The following SUSD3 variants were observed in gnomAD, a reference collection of about 807,000 sequenced individuals.
SUSD3 encodes sushi domain-containing protein 3.
SUSD3 carries 18 observed loss-of-function variants against 20.6 expected under a neutral mutation model. The ratio of observed to expected loss-of-function variants is 0.87; its 90% CI spans 0.60 to 1.30. The LOEUF (loss-of-function observed/expected upper bound fraction) is 1.30, where lower values mean the gene tolerates loss of function less well. Ranked by LOEUF, SUSD3 falls within the 50% of genes most tolerant of loss-of-function variation. The pLI is 0.00. For synonymous variants in SUSD3, 137 were observed against 141.5 expected (o/e 0.97, Z 0.23); for missense variants, 306 against 346.9 (o/e 0.88, Z 0.94).
chr9:93,075,736 G>GCAC, intron 1 of SUSD3, 48 bp from the exon 2 acceptor site: 1 of 272,214 alleles, frequency 3.7e-6, no homozygotes. Flanking sequence ...TGCCCTGCGT[G>GCAC]CCCACCCCCC....
intron 3 of SUSD3, 25 bp downstream of exon 3, chr9:93,078,018 G>A: frequency 6.2e-7 from 1 of 1,613,952 alleles, no homozygotes; most frequent in South Asian, 1.1e-5. Flanking sequence ...TGATCTCAGG[G>A]TCCTCCCGGG....
In SUSD3 at chr9:93,077,890, G is replaced by A. The variant is rs143607180; in HGVS notation, c.322G>A (p.Ala108Thr). The change falls in exon 3 of 5, where the codon GCC (alanine) becomes ACC (threonine). Residue 108 changes from alanine to threonine, a missense_variant. Physicochemically the swap from Ala to Thr is moderately conservative, Grantham distance 58 (BLOSUM62 0). Coordinates refer to ENST00000375472, the MANE Select transcript of SUSD3 (RefSeq NM_145006.4). ...CTTTGGCTTCAAGGTGGCCGTGATC[G>A]CCTCCATTGTGAGCTGTGCCATCAT... ...ETFGFKVAVI[A>T]SIVSCAIILL... 4.6e-4 allele frequency: 746 copies of A among 1,614,104 alleles called. 1 individual carries two copies. Among genetic ancestry groups the A allele is most frequent in the South Asian group, 9.4e-4 (86 of 91,072 alleles).
At chr9:93,066,885 C>T (rs12555029) in intron 1 of SUSD3, among the ~76,000 whole-genome samples, 36,538 of 151,786 alleles carry the variant, frequency 0.24, 5,524 homozygotes, top group African/African-American at 0.43. Context: ...TTTTTGTATT[C>T]TTAGTAGAGA....
At chr9:93,059,696 G>A (rs1825434498) in intron 1 of SUSD3, among the ~76,000 whole-genome samples, 1 of 152,152 alleles carries the variant, frequency 6.6e-6, no homozygotes, top group Admixed American at 6.5e-5. Context: ...GCTGAGGCCC[G>A]GAGTGGGGTG....
chr9:93,073,076 A>T (rs1587909043), intron 1 of SUSD3, among the ~76,000 whole-genome samples: 1 of 151,968 alleles, frequency 6.6e-6, no homozygotes, highest in East Asian at 1.9e-4. Flanking sequence ...CAGACTCTGC[A>T]TGCCCCAGTT....
At chr9:93,065,123 A>C (rs1418116106) in intron 1 of SUSD3, among the ~76,000 whole-genome samples, 2 of 152,152 alleles carry the variant, frequency 1.3e-5, no homozygotes, top group African/African-American at 4.8e-5. Context: ...GGATGTGCCC[A>C]GGGGATCAGT....
At chr9:93,059,709 C>T (rs1238096629) in intron 1 of SUSD3, among the ~76,000 whole-genome samples, 5 of 152,120 alleles carry the variant, frequency 3.3e-5, no homozygotes, top group Non-Finnish European at 7.4e-5. Context: ...GTGGGGTGGG[C>T]TGGACCAGGT....
chr9:93,062,952 G>T (rs1008297912), intron 1 of SUSD3, among the ~76,000 whole-genome samples: 2 of 152,190 alleles, frequency 1.3e-5, no homozygotes, highest in African/African-American at 4.8e-5. Context: ...CTGTGAGTTC[G>T]CTGTGAATCC....
intron 4 of SUSD3, among the ~76,000 whole-genome samples, chr9:93,081,717 C>T (rs572013316): frequency 3.3e-5 from 5 of 152,318 alleles, no homozygotes; most frequent in East Asian, 3.9e-4. Context: ...GTGTGTATTA[C>T]ATCAACAAGG....
At position 93,075,766 on chromosome 9, in the gene SUSD3, A is replaced by G; in HGVS notation, c.89-18A>G. On this transcript the variant is annotated intron_variant, in intron 1 of 4. Transcript: ENST00000375472. ...CCCCCCCCCCCCCGCCATGCCTCAT[A>G]CCTGCCTGTCTCCCCAGGCACGTGC... The G allele has an allele frequency of 1.5e-6, 1 of 653,260 alleles. No homozygotes were observed. The highest frequency in any genetic ancestry group is 2.1e-6 in the Non-Finnish European group (1 of 472,480). 40.5% of individuals were successfully genotyped at this position (653,260 alleles called of 1,614,324 possible).
chr9:93,077,131 C>T (rs556593438), intron 2 of SUSD3, among the ~76,000 whole-genome samples: 273 of 152,236 alleles, frequency 1.8e-3, no homozygotes, highest in African/African-American at 6.1e-3. Flanking sequence ...ATTAGGATTC[C>T]GAGGCCTTTT....
At chr9:93,079,358 C>G (rs1454531225) in intron 3 of SUSD3, 113 bp from the exon 4 acceptor site, 7 of 1,206,344 alleles carry the variant, frequency 5.8e-6, no homozygotes, top group Non-Finnish European at 8.1e-6. Context: ...GAGAGGTTTG[C>G]CAGCCTGCAC....
intron 4 of SUSD3, among the ~76,000 whole-genome samples, chr9:93,080,028 A>T (rs1416508123): frequency 2.6e-5 from 4 of 152,210 alleles, no homozygotes; most frequent in African/African-American, 9.6e-5. Flanking sequence ...TTCTGAGTCC[A>T]GAAATTTAAT....
At position 93,084,532 on chromosome 9, in the gene SUSD3, C is replaced by G; in HGVS notation, c.558-5C>G. The G allele has an allele frequency of 6.3e-7, 1 of 1,581,742 alleles. No homozygotes were observed. The highest frequency in any genetic ancestry group is 8.6e-7 in the Non-Finnish European group (1 of 1,163,472). Reference sequence around the variant, plus strand: ...TTTGCCAACTCATGCCTCCTCTCTCCACAGAGACCATGGTGAGAGCACCAG... The same window carrying G: ...TTTGCCAACTCATGCCTCCTCTCTCGACAGAGACCATGGTGAGAGCACCAG... On this transcript the variant is annotated splice_region_variant and splice_polypyrimidine_tract_variant and intron_variant, in intron 4 of 4. Transcript: ENST00000375472.
chr9:93,065,028 A>T (rs950397483), intron 1 of SUSD3, among the ~76,000 whole-genome samples: 1 of 152,176 alleles, frequency 6.6e-6, no homozygotes, highest in African/African-American at 2.4e-5. Flanking sequence ...CAGTGCCCAG[A>T]CCGCTCAGCA....
chr9:93,064,464 G>A (rs1825632012), intron 1 of SUSD3, among the ~76,000 whole-genome samples: 1 of 152,238 alleles, frequency 6.6e-6, no homozygotes, highest in Admixed American at 6.5e-5. Flanking sequence ...CTGTCACTGT[G>A]ACATGTAATC....
chr9:93,078,191 TG>T (rs1356725605), intron 3 of SUSD3, among the ~76,000 whole-genome samples, 198 bp downstream of exon 3: 6 of 152,190 alleles, frequency 3.9e-5, no homozygotes, highest in Admixed American at 3.9e-4. Flanking sequence ...GCATCACAGC[TG>T]GGGGACATGT....
At position 93,084,644 on chromosome 9, in the gene SUSD3, A is replaced by G. The variant is rs750959293; in HGVS notation, c.665A>G (p.Gln222Arg). Reference sequence around the variant, plus strand: ...CTCAGTGGCTCCTCCAGCTCACCCCAAGCCCAGGTGATGGTGCACATGGCA... The same window carrying G: ...CTCAGTGGCTCCTCCAGCTCACCCCGAGCCCAGGTGATGGTGCACATGGCA... ...LSLSGSSSSP[Q>R]AQVMVHMANP... Residue 222 changes from glutamine to arginine, a missense_variant, in exon 5 of 5, where the codon CAA becomes CGA. By Grantham distance (43) the Gln-to-Arg change is conservative. Transcript: ENST00000375472. 2.5e-6 allele frequency: 4 copies of G among 1,609,082 alleles called. No homozygotes were observed.
At chr9:93,061,088 C>T (rs531144442) in intron 1 of SUSD3, among the ~76,000 whole-genome samples, 1 of 152,332 alleles carries the variant, frequency 6.6e-6, no homozygotes, top group South Asian at 2.1e-4. Flanking sequence ...TGGCCCCTGG[C>T]CCTGCTCCCA....
Sources: allele counts gnomAD v4.1 joint callset (sites outside exome capture counted in the v4.1 genomes callset), GRCh38; gene constraint gnomAD v4.1.1; transcripts MANE v1.5; gene names NCBI Gene and HGNC (gene_info 2026-07-23, HGNC 2026-07-21).